Variants in IL18BP observed in about 807,000 individuals in gnomAD.
IL18BP encodes interleukin 18 binding protein.
Under a neutral mutation model 19.9 loss-of-function variants are expected in IL18BP, and 23 were observed. That is an observed-to-expected ratio of 1.15 (90% confidence interval 0.83 to 1.64). The LOEUF (loss-of-function observed/expected upper bound fraction) is 1.64, where lower values mean the gene tolerates loss of function less well. IL18BP is among the 40% of genes most tolerant of loss of function. The probability of loss-of-function intolerance (pLI) is 0.00; values close to 1 mark genes in which losing one functional copy is unlikely to be tolerated. For synonymous variants in IL18BP, 107 were observed against 101.0 expected (o/e 1.06, Z -0.35); for missense variants, 239 against 240.7 (o/e 0.99, Z 0.05).
chr11:72,005,900 A>G, downstream of IL18BP: 6 of 727,760 alleles, frequency 8.2e-6, no homozygotes, highest in Admixed American at 5.4e-5. Context: ...GGCTGCAGGA[A>G]GGAGGGGCAG....
downstream of IL18BP, chr11:72,007,338 T>C (rs1955800829): frequency 6.2e-7 from 1 of 1,613,282 alleles, no homozygotes; most frequent in African/African-American, 1.3e-5. Flanking sequence ...AAGTAGAGAC[T>C]CTCCAGGGAT....
rs1438815406 is a variant in IL18BP at position 72,001,571 on chromosome 11, G to A, written c.507+19G>A. The stretch of plus-strand genomic sequence containing the variant: ...GCTCTGGGTGAGGAGCCCAAGGAGA[G>A]GCCTCCAGGAACAGGAGGAGCTCTG... On this transcript the variant is annotated intron_variant, in intron 5 of 5. Coordinates refer to ENST00000393703, the MANE Select transcript of IL18BP (RefSeq NM_001039660.2). The A allele has an allele frequency of 1.9e-6, 3 of 1,608,098 alleles. No homozygotes were observed. The highest frequency in any genetic ancestry group is 2.5e-6 in the Non-Finnish European group (3 of 1,177,196).
At chr11:72,004,152 GCGT>G (rs2134341891), downstream of IL18BP, 1 of 1,609,820 alleles carries the variant, frequency 6.2e-7, no homozygotes, top group South Asian at 1.1e-5. Context: ...TCCCAGGCCA[GCGT>G]GCTGTGCCAC....
rs747923825 is a variant in IL18BP, at chr11:72,001,799, A to G, written c.523A>G (p.Thr175Ala). 2.0e-5 allele frequency: 33 copies of G among 1,613,994 alleles called. 1 individual carries two copies. The South Asian group carries it at 2.9e-4, about 14-fold the overall frequency. ...ACTTCCCTAGGCTGGGCTGAGGGCA[A>G]CCTTGCCCCCCACCCAAGAAGCCCT... ...LAQLWAGLRA[T>A]LPPTQEALPS... The change falls in exon 6 of 6, where the codon ACC becomes GCC. Residue 175 changes from threonine (T) to alanine (A), a missense_variant. Thr to Ala is a moderately conservative substitution (Grantham distance 58). Coordinates refer to ENST00000393703, the MANE Select transcript of IL18BP (RefSeq NM_001039660.2).
downstream of IL18BP, chr11:72,004,099 C>G (rs775369901): frequency 2.5e-6 from 4 of 1,613,082 alleles, no homozygotes; most frequent in East Asian, 2.2e-5. Flanking sequence ...CGCCGGTCAG[C>G]CTGCAAGGAA....
downstream of IL18BP, chr11:72,003,734 C>T (rs1359573327): frequency 9.9e-7 from 1 of 1,012,536 alleles, no homozygotes; most frequent in East Asian, 2.6e-5. Flanking sequence ...GTCTTCTCTC[C>T]TTGGAGAGGA....
chr11:72,003,545 GAGACAC>G (rs749917495), downstream of IL18BP: 3 of 1,614,180 alleles, frequency 1.9e-6, no homozygotes, highest in Non-Finnish European at 2.5e-6. Context: ...TTGCCTGAAA[GAGACAC>G]AGTCACATGG....
downstream of IL18BP, chr11:72,004,883 T>C: frequency 7.0e-7 from 1 of 1,435,146 alleles, no homozygotes; most frequent in South Asian, 1.4e-5. Flanking sequence ...CCTGGGGCTG[T>C]CCCAGAACTC....
rs1419724298 is a variant in IL18BP, at chr11:72,002,675, G to GA, written c.*815dup. On this transcript the variant is annotated 3_prime_UTR_variant, in exon 6 of 6. Coordinates refer to ENST00000393703, the MANE Select transcript of IL18BP (RefSeq NM_001039660.2). ...GAACACAGGCGCTTGAAAAAGAAAA[G>GA]AGAGAACAGCCCATAATGCTCCCCG... The GA allele has an allele frequency of 5.8e-6, 1 of 171,690 alleles. No individual in the cohort carries two copies. Among genetic ancestry groups the GA allele is most frequent in the East Asian group, 1.1e-4 (1 of 9,466 alleles). The allele number at this position is 171,690 out of a possible 1,614,324, so 10.6% of individuals were successfully genotyped here. A position where few individuals can be genotyped will look rare whatever the true frequency, so the allele number is the denominator to read the frequency against.
At chr11:72,000,923 G>T (rs989105689) in intron 3 of IL18BP, among the ~76,000 whole-genome samples, 5 of 152,192 alleles carry the variant, frequency 3.3e-5, no homozygotes, top group Admixed American at 2.6e-4. Context: ...AGTCACCGAG[G>T]CTGGGCACTA....
At chr11:72,003,559 T>C, downstream of IL18BP, 1 of 1,614,164 alleles carries the variant, frequency 6.2e-7, no homozygotes, top group Non-Finnish European at 8.5e-7. Flanking sequence ...CACAGTCACA[T>C]GGCCAGATGA....
chr11:72,000,388 C>A lies in IL18BP; in HGVS notation c.66C>A (p.His22Gln), dbSNP rs199747659. The change falls in exon 3 of 6, where the codon CAC becomes CAA. Residue 22 changes from histidine to glutamine, a missense_variant. Transcript: ENST00000393703. ...SPLWVLLLCAHVVTLLVRATP... is the reference protein window; with the variant it reads ...SPLWVLLLCAQVVTLLVRATP... ...TGTGGGTCCTGCTCCTGTGTGCCCA[C>A]GTCGTCACTCTCCTGGTCAGAGCCA... 1 of 1,613,944 alleles carries A rather than the reference C, an allele frequency of 6.2e-7. No individual in the cohort carries two copies. The highest frequency in any genetic ancestry group is 8.5e-7 in the Non-Finnish European group (1 of 1,180,024).
Position 72,001,977 on chromosome 11 carries a change from C to G in IL18BP, c.*116C>G, listed in dbSNP as rs183086360. 4.3e-5 allele frequency: 62 copies of G among 1,445,080 alleles called. No homozygotes were observed. In the East Asian group the frequency reaches 1.5e-3, roughly 35 times the overall value. 89.5% of individuals were successfully genotyped at this position (1,445,080 alleles called of 1,614,324 possible). ...GGCTGCGTGGATGCGCAACACACCCCCTCCTTCTCTGCTTTGGGTCCCTTC... is the reference window on the plus strand; with the variant it reads ...GGCTGCGTGGATGCGCAACACACCCGCTCCTTCTCTGCTTTGGGTCCCTTC... On this transcript the variant is annotated 3_prime_UTR_variant, in exon 6 of 6. Transcript: ENST00000393703.
downstream of IL18BP, chr11:72,006,232 T>C (rs761381957): frequency 2.5e-6 from 4 of 1,614,044 alleles, no homozygotes; most frequent in East Asian, 2.2e-5. Context: ...GAACGATGAG[T>C]TGGCGCTGTC....
At chr11:72,002,867 C>T (rs943226346), downstream of IL18BP, 9 of 214,336 alleles carry the variant, frequency 4.2e-5, no homozygotes, top group East Asian at 6.2e-4. Flanking sequence ...TCAGTACTCA[C>T]GGGAGAAAAA....
downstream of IL18BP, chr11:72,006,022 G>A: frequency 1.3e-6 from 2 of 1,598,354 alleles, no homozygotes; most frequent in Non-Finnish European, 1.7e-6. Context: ...GTAAGTCCCT[G>A]TAGTCCCCTC....
downstream of IL18BP, chr11:72,004,692 T>C (rs746628839): frequency 9.3e-6 from 15 of 1,613,602 alleles, no homozygotes; most frequent in African/African-American, 1.3e-5. Context: ...TTTGCGCTGC[T>C]GCCGGGTGGT....
chr11:72,004,117 CAGACCGGG>C, downstream of IL18BP: 6 of 1,612,976 alleles, frequency 3.7e-6, no homozygotes, highest in African/African-American at 2.7e-5. Context: ...GAAGGGCTGT[CAGACCGGG>C]AGACCCAATG....
Position 72,002,035 on chromosome 11 carries a change from C to G in IL18BP, c.*174C>G. 1.1e-6 allele frequency: 1 copy of G among 903,622 alleles called. No individual in the cohort carries two copies. Among genetic ancestry groups the G allele is most frequent in the Non-Finnish European group, 1.7e-6 (1 of 594,690 alleles). The allele number at this position is 903,622 out of a possible 1,614,324, so 56.0% of individuals were successfully genotyped here. A position where few individuals can be genotyped will look rare whatever the true frequency, so the allele number is the denominator to read the frequency against. On this transcript the variant is annotated 3_prime_UTR_variant, in exon 6 of 6. Coordinates refer to ENST00000393703, the MANE Select transcript of IL18BP (RefSeq NM_001039660.2). ...AAATTCAAACTCCATTCCCACCTAC[C>G]TAGAAAATCACAGCCTCCTTATAAT...
Sources: allele counts gnomAD v4.1 joint callset (sites outside exome capture counted in the v4.1 genomes callset), GRCh38; gene constraint gnomAD v4.1.1; transcripts MANE v1.5; gene names NCBI Gene and HGNC (gene_info 2026-07-23, HGNC 2026-07-21).